Variants in GPC5 observed in about 807,000 individuals in gnomAD.
GPC5 encodes glypican 5.
A neutral mutation model predicts 53.9 loss-of-function variants in GPC5; 47 were observed. The ratio of observed to expected loss-of-function variants is 0.87; its 90% confidence interval spans 0.69 to 1.11. The LOEUF (loss-of-function observed/expected upper bound fraction) is 1.11. Ranked by LOEUF, GPC5 falls within the 50% of genes most tolerant of loss-of-function variation. The probability of loss-of-function intolerance (pLI) is 0.00; values close to 1 mark genes in which losing one functional copy is unlikely to be tolerated. For missense variants in GPC5, 748 were observed against 713.1 expected, an observed-to-expected ratio of 1.05 and a Z score of -0.56; for synonymous variants, 286 against 263.3, an observed-to-expected ratio of 1.09 and a Z score of -0.84.
At chr13:92,283,724 G>T (rs958802574) in intron 7 of GPC5, among the ~76,000 whole-genome samples, 1 of 152,134 alleles carries the variant, frequency 6.6e-6, no homozygotes, top group African/African-American at 2.4e-5. Context: ...ACCAGAATCT[G>T]TGGGACACAT....
chr13:91,748,800 G>A (rs2037106759), intron 4 of GPC5, among the ~76,000 whole-genome samples: 2 of 152,156 alleles, frequency 1.3e-5, no homozygotes, highest in Admixed American at 1.3e-4. Context: ...TGAAGGATGG[G>A]TAGAAAGTTG....
intron 7 of GPC5, among the ~76,000 whole-genome samples, chr13:92,596,003 G>C (rs1347042971): frequency 6.6e-6 from 1 of 151,952 alleles, no homozygotes; most frequent in Non-Finnish European, 1.5e-5. Flanking sequence ...GCTCTTATTT[G>C]CTATTCTTGC....
chr13:91,756,155 G>GT (rs2037286990), intron 4 of GPC5, 140 bp from the exon 5 acceptor site: 1 of 489,410 alleles, frequency 2.0e-6, no homozygotes, highest in Admixed American at 4.6e-5. Flanking sequence ...TAGAGAAAAT[G>GT]TAAAAAATTA....
intron 5 of GPC5, among the ~76,000 whole-genome samples, chr13:91,833,474 G>T (rs1594604764): frequency 1.3e-5 from 2 of 152,256 alleles, no homozygotes; most frequent in East Asian, 3.9e-4. Flanking sequence ...CACTATCCCT[G>T]ATGAACATCA....
chr13:91,589,133 C>T (rs1274028566), intron 2 of GPC5, among the ~76,000 whole-genome samples: 3 of 152,102 alleles, frequency 2.0e-5, no homozygotes, highest in Non-Finnish European at 4.4e-5. Context: ...TATTTGATGT[C>T]TTTGACCGTC....
At chr13:92,674,567 CTTGAAG>C (rs1224815227) in intron 7 of GPC5, among the ~76,000 whole-genome samples, 2 of 19,208 alleles carry the variant, frequency 1.0e-4, no homozygotes, top group African/African-American at 2.6e-4. Flanking sequence ...TGAAGCTCTT[CTTGAAG>C]CAGGAGCTTC....
chr13:91,414,733 G>A (rs1878061840), intron 1 of GPC5, among the ~76,000 whole-genome samples: 1 of 152,140 alleles, frequency 6.6e-6, no homozygotes, highest in African/African-American at 2.4e-5. Context: ...CTGCTATAAC[G>A]CTTCCACCAA....
At chr13:91,643,981 CT>C (rs1566576818) in intron 2 of GPC5, among the ~76,000 whole-genome samples, 10 of 27,404 alleles carry the variant, frequency 3.6e-4, no homozygotes, top group Non-Finnish European at 2.0e-3. Context: ...TATGTTAAGA[CT>C]TCAACATATG....
At chr13:91,634,932 A>G (rs1004921940) in intron 2 of GPC5, among the ~76,000 whole-genome samples, 5 of 151,928 alleles carry the variant, frequency 3.3e-5, no homozygotes, top group African/African-American at 9.7e-5. Flanking sequence ...AAGAACTTAG[A>G]CTCTTTAACT....
chr13:91,520,005 A>G (rs1885717313), intron 2 of GPC5, among the ~76,000 whole-genome samples: 1 of 152,220 alleles, frequency 6.6e-6, no homozygotes, highest in African/African-American at 2.4e-5. Flanking sequence ...AGCACAATAA[A>G]TAGAAATTGC....
rs1460686757 is a variant in GPC5 at position 91,809,106 on chromosome 13, T to G, written c.1280+52686T>G. ...GAAAAGGATTATCATCTTTACTATATTTCCAAAAAGCATGATTAAGCCCTC... is the reference window on the plus strand; with the variant it reads ...GAAAAGGATTATCATCTTTACTATAGTTCCAAAAAGCATGATTAAGCCCTC... On this transcript the variant is annotated intron_variant, in intron 5 of 7. Coordinates refer to ENST00000377067, the MANE Select transcript of GPC5 (RefSeq NM_004466.6). Among the ~76,000 whole-genome samples the G allele has an allele frequency of 2.0e-5, 3 of 152,162 alleles. No individual in the cohort carries two copies. In the East Asian group the frequency reaches 5.8e-4, roughly 29 times the overall value.
At chr13:92,118,752 C>T (rs1456992818) in intron 6 of GPC5, among the ~76,000 whole-genome samples, 1 of 152,100 alleles carries the variant, frequency 6.6e-6, no homozygotes, top group Non-Finnish European at 1.5e-5. Context: ...TTGGTAGTTG[C>T]TTTTTATGTC....
intron 7 of GPC5, among the ~76,000 whole-genome samples, chr13:92,739,177 T>TTA (rs1461023499): frequency 1.3e-5 from 2 of 152,076 alleles, no homozygotes; most frequent in African/African-American, 4.8e-5. Flanking sequence ...TCTCTATATG[T>TTA]TTTTAGCAAG....
chr13:92,035,128 T>C (rs904168613), intron 6 of GPC5, among the ~76,000 whole-genome samples: 1 of 147,276 alleles, frequency 6.8e-6, no homozygotes, highest in Admixed American at 7.0e-5. Context: ...GGCAGGAGAA[T>C]GGCGTGAACC....
At chr13:92,739,991 ATAT>A (rs1889042710) in intron 7 of GPC5, among the ~76,000 whole-genome samples, 1 of 152,026 alleles carries the variant, frequency 6.6e-6, no homozygotes, top group Non-Finnish European at 1.5e-5. Context: ...AGTGACTTCC[ATAT>A]TATTTACCTC....
chr13:91,720,980 A>T (rs1477200986), intron 3 of GPC5, among the ~76,000 whole-genome samples: 2 of 152,136 alleles, frequency 1.3e-5, no homozygotes, highest in African/African-American at 4.8e-5. Flanking sequence ...CAAAGGCAAC[A>T]TCATCTCTCC....
At chr13:91,471,586 C>T (rs560917337) in intron 2 of GPC5, among the ~76,000 whole-genome samples, 19 of 152,166 alleles carry the variant, frequency 1.2e-4, no homozygotes, top group African/African-American at 4.3e-4. Context: ...TGATGAAGAG[C>T]ACCATTAGAA....
At chr13:92,607,566 A>G (rs775807516) in intron 7 of GPC5, among the ~76,000 whole-genome samples, 4 of 152,100 alleles carry the variant, frequency 2.6e-5, no homozygotes, top group Non-Finnish European at 4.4e-5. Context: ...AAAATTTTCT[A>G]TTTCAGTCCA....
chr13:92,805,791 C>A (rs1877076389), intron 7 of GPC5, among the ~76,000 whole-genome samples: 1 of 151,936 alleles, frequency 6.6e-6, no homozygotes, highest in South Asian at 2.1e-4. Context: ...AAATATTCAG[C>A]AAATCATACC....
Sources: allele counts gnomAD v4.1 joint callset (sites outside exome capture counted in the v4.1 genomes callset), GRCh38; gene constraint gnomAD v4.1.1; transcripts MANE v1.5; gene names NCBI Gene and HGNC (gene_info 2026-07-23, HGNC 2026-07-21).